Variants in MCU observed in about 807,000 individuals in gnomAD.
MCU encodes the protein calcium uniporter protein, mitochondrial.
MCU carries 12 observed loss-of-function variants against 45.2 expected under a neutral mutation model. That is an observed-to-expected ratio of 0.27 (90% CI 0.17 to 0.43). The LOEUF (loss-of-function observed/expected upper bound fraction) is 0.43, where lower values mean the gene tolerates loss of function less well. Ranked by LOEUF, MCU falls within the 20% of genes least tolerant of loss-of-function variation. The pLI is 1.00. For missense variants in MCU, 324 were observed against 436.7 expected (o/e 0.74, Z 2.30); for synonymous variants, 160 against 165.1 (o/e 0.97, Z 0.24).
intron 1 of MCU, among the ~76,000 whole-genome samples, chr10:72,749,128 GT>G (rs147019853): frequency 6.7e-6 from 1 of 148,228 alleles, no homozygotes; most frequent in Non-Finnish European, 1.5e-5. Context: ...AAAAAATGTT[GT>G]TTTTTTTTTG....
intron 1 of MCU, among the ~76,000 whole-genome samples, chr10:72,701,715 T>C (rs1283288077): frequency 6.6e-6 from 1 of 152,004 alleles, no homozygotes; most frequent in African/African-American, 2.4e-5. Flanking sequence ...TTCTTCTTAG[T>C]AGAGATGGGG....
intron 5 of MCU, 98 bp downstream of exon 5, chr10:72,868,961 T>C (rs1845500010): frequency 7.9e-7 from 1 of 1,271,842 alleles, no homozygotes; most frequent in Non-Finnish European, 1.1e-6. Flanking sequence ...AATTGAGTCA[T>C]GTCAATCAAG....
intron 1 of MCU, among the ~76,000 whole-genome samples, chr10:72,694,111 T>C (rs1231090714): frequency 1.3e-5 from 2 of 152,218 alleles, no homozygotes; most frequent in Non-Finnish European, 2.9e-5. Flanking sequence ...TAAAACGAAG[T>C]GTTATTTCTA....
At chr10:72,790,131 A>T (rs1010505544) in intron 1 of MCU, among the ~76,000 whole-genome samples, 3 of 152,210 alleles carry the variant, frequency 2.0e-5, no homozygotes, top group African/African-American at 7.2e-5. Context: ...CTGTAGATGT[A>T]CACATCAGAA....
intron 1 of MCU, among the ~76,000 whole-genome samples, chr10:72,733,459 AAAC>A (rs1319423999): frequency 6.6e-5 from 10 of 152,138 alleles, no homozygotes; most frequent in African/African-American, 1.9e-4. Context: ...TCTGTCTCAA[AAAC>A]AACAACAACA....
chr10:72,765,543 C>T (rs1843713352), intron 1 of MCU, among the ~76,000 whole-genome samples: 1 of 151,844 alleles, frequency 6.6e-6, no homozygotes, highest in South Asian at 2.1e-4. Context: ...CTTGTATTCC[C>T]AGCATTTTGG....
chr10:72,841,016 C>T (rs1452347349), intron 2 of MCU, among the ~76,000 whole-genome samples: 1 of 152,142 alleles, frequency 6.6e-6, no homozygotes, highest in Admixed American at 6.6e-5. Flanking sequence ...TGTCAGATTT[C>T]AGATCCACTT....
At chr10:72,805,083 T>TTCTTTCTTTCTTTCTTTC (rs1310628050) in intron 1 of MCU, among the ~76,000 whole-genome samples, 7 of 143,590 alleles carry the variant, frequency 4.9e-5, no homozygotes, top group Non-Finnish European at 1.1e-4. Flanking sequence ...GTTTGTTTCT[T>TTCTTTCTTTCTTTCTTTC]TCTTTCTTTC....
chr10:72,703,175 A>G (rs955789862), intron 1 of MCU, among the ~76,000 whole-genome samples: 3 of 152,194 alleles, frequency 2.0e-5, no homozygotes. Context: ...TAGTAGTTAT[A>G]CCAATGATAA....
At position 72,795,563 on chromosome 10, in the gene MCU, T is replaced by C. The variant is rs148939444; in HGVS notation, c.151-38796T>C. On this transcript the variant is annotated intron_variant, in intron 1 of 7. Transcript: ENST00000373053. ...AACATGATATAATTTCTGGGACTTA[T>C]ATCAGCAATATATTAGTGGGGGAAA... is the stretch of plus-strand genomic sequence containing the variant. Among the ~76,000 whole-genome samples, 36 of 152,332 alleles carry C rather than the reference T, an allele frequency of 2.4e-4. No homozygotes were observed. The East Asian group carries it at 6.4e-3, about 27-fold the overall frequency.
chr10:72,859,113 AT>A, intron 2 of MCU, 63 bp from the exon 3 acceptor site: 1 of 1,436,862 alleles, frequency 7.0e-7, no homozygotes, highest in Non-Finnish European at 9.4e-7. Flanking sequence ...AAGAATGGTA[AT>A]AATGTGACTT....
In MCU at chr10:72,708,910, G is replaced by A. The variant is rs572315290; in HGVS notation, c.150+16609G>A. Among the ~76,000 whole-genome samples the A allele has an allele frequency of 7.2e-5, 11 of 152,216 alleles. 1 individual carries two copies. In the South Asian group the frequency reaches 2.3e-3, roughly 32 times the overall value. On this transcript the variant is annotated intron_variant, in intron 1 of 7. Transcript: ENST00000373053. ...CTCACGTTTGTAATCCCAGCACTTT[G>A]GGAGGCTGAGGCAGGAGGATCACTT... is the stretch of plus-strand genomic sequence containing the variant.
chr10:72,707,019 G>A (rs534170354), intron 1 of MCU, among the ~76,000 whole-genome samples: 60 of 150,868 alleles, frequency 4.0e-4, no homozygotes, highest in African/African-American at 1.4e-3. Context: ...TAGTAGAGAT[G>A]GGGTTTCACC....
chr10:72,710,554 T>TG (rs1842879343), intron 1 of MCU, among the ~76,000 whole-genome samples: 2 of 147,618 alleles, frequency 1.4e-5, no homozygotes, highest in South Asian at 4.3e-4. Flanking sequence ...TTTTTTTTTT[T>TG]TTTTTTTTTT....
intron 1 of MCU, among the ~76,000 whole-genome samples, chr10:72,818,291 G>A (rs1014045842): frequency 6.6e-6 from 1 of 152,188 alleles, no homozygotes; most frequent in African/African-American, 2.4e-5. Context: ...TTGCTTTGTT[G>A]TGGTTAATAA....
chr10:72,763,224 G>A (rs577196917), intron 1 of MCU, among the ~76,000 whole-genome samples: 1 of 152,210 alleles, frequency 6.6e-6, no homozygotes, highest in African/African-American at 2.4e-5. Context: ...CTTTTGCCAC[G>A]TAAGGTAACA....
chr10:72,729,952 C>CATTTT (rs1413419136), intron 1 of MCU, among the ~76,000 whole-genome samples: 1 of 90,554 alleles, frequency 1.1e-5, no homozygotes, highest in African/African-American at 3.9e-5. Flanking sequence ...CTTCAGCATT[C>CATTTT]TTTTTTTTTT....
chr10:72,877,135 G>A (rs1041647197), intron 6 of MCU, among the ~76,000 whole-genome samples: 4 of 151,920 alleles, frequency 2.6e-5, no homozygotes. Context: ...TGCCCAGGCT[G>A]GTCTCAAACT....
At chr10:72,845,473 A>C (rs1589492799) in intron 2 of MCU, among the ~76,000 whole-genome samples, 3 of 152,310 alleles carry the variant, frequency 2.0e-5, no homozygotes, top group Admixed American at 2.0e-4. Flanking sequence ...CACATATGTG[A>C]TGTTGGTCCC....
Sources: allele counts gnomAD v4.1 joint callset (sites outside exome capture counted in the v4.1 genomes callset), GRCh38; gene constraint gnomAD v4.1.1; transcripts MANE v1.5; gene names NCBI Gene and HGNC (gene_info 2026-07-23, HGNC 2026-07-21).